The following NDUFA10 variants were observed in gnomAD, a reference collection of about 807,000 sequenced individuals.
NDUFA10 encodes NADH:ubiquinone oxidoreductase subunit A10.
In NDUFA10, 40 loss-of-function variants were observed where a neutral mutation model predicts 47.8. That is an observed-to-expected ratio of 0.84 (90% CI 0.65 to 1.09). The LOEUF is 1.09. NDUFA10 is among the 50% of genes least tolerant of loss of function. The pLI is 0.00. For synonymous variants in NDUFA10, 183 were observed against 172.2 expected (o/e 1.06, Z -0.49); for missense variants, 413 against 451.1 (o/e 0.92, Z 0.76).
chr2:239,981,292 C>T (rs888020826), intron 9 of NDUFA10, among the ~76,000 whole-genome samples: 5 of 152,122 alleles, frequency 3.3e-5, no homozygotes, highest in Non-Finnish European at 5.9e-5. Flanking sequence ...AGCTCTGTAC[C>T]CAAAGTCTCC....
rs747835232 is a variant in NDUFA10 at position 240,021,371 on chromosome 2, T to C, written c.286A>G (p.Ser96Gly). 3.1e-6 allele frequency: 5 copies of C among 1,614,122 alleles called. No individual in the cohort carries two copies. In the African/African-American group the frequency reaches 5.3e-5, roughly 17 times the overall value. Reference sequence around the variant, plus strand: ...AGGGGCTTCCCATCTCCTGTGGTACTGTCTGGATAATGAATCCCCGCTTCA... The same window carrying C: ...AGGGGCTTCCCATCTCCTGTGGTACCGTCTGGATAATGAATCCCCGCTTCA... ...FPEAGIHYPD[S>G]TTGDGKPLAT... The change falls in exon 3 of 10, where the codon AGT (serine) becomes GGT (glycine). Residue 96 changes from serine to glycine, a missense_variant. Ser to Gly is a moderately conservative substitution (Grantham distance 56, BLOSUM62 0). Coordinates refer to ENST00000252711, the MANE Select transcript of NDUFA10 (RefSeq NM_004544.4).
rs1332309508 is a variant in NDUFA10, at chr2:240,016,847, C to T, written c.547+1706G>A. Among the ~76,000 whole-genome samples, 1 of 152,196 alleles carries T rather than the reference C, an allele frequency of 6.6e-6. No homozygotes were observed. The highest frequency in any genetic ancestry group is 1.5e-5 in the Non-Finnish European group (1 of 68,036). ...GATGCCGACAGGTATCTCCTGCCAC[C>T]TTGCCATGGGAACCTCACACTCAGG... On this transcript the variant is annotated intron_variant, in intron 4 of 9. Coordinates refer to ENST00000252711, the MANE Select transcript of NDUFA10 (RefSeq NM_004544.4). This position sits in a 1 kb window ranked among gnomAD's most constrained non-coding sequence, Gnocchi z 4.4.
chr2:239,936,987 G>T (rs1694276119), intron 4 of NDUFA10, among the ~76,000 whole-genome samples: 1 of 152,254 alleles, frequency 6.6e-6, no homozygotes, highest in African/African-American at 2.4e-5. Context: ...AAAGAAATAA[G>T]TACAAGTGAT....
chr2:239,931,141 A>C (rs1214787357), intron 4 of NDUFA10, among the ~76,000 whole-genome samples: 1 of 152,194 alleles, frequency 6.6e-6, no homozygotes, highest in Non-Finnish European at 1.5e-5. Flanking sequence ...TCTGAACAGC[A>C]ACTTTCACCC....
intron 9 of NDUFA10, among the ~76,000 whole-genome samples, chr2:239,985,719 G>A (rs1266685034): frequency 1.3e-5 from 2 of 152,108 alleles, no homozygotes; most frequent in Non-Finnish European, 2.9e-5. Flanking sequence ...AGACTAGCCT[G>A]GCCAACATGG....
chr2:239,894,518 C>G (rs1270343352), intron 5 of NDUFA10, among the ~76,000 whole-genome samples: 3 of 152,210 alleles, frequency 2.0e-5, no homozygotes, highest in Non-Finnish European at 2.9e-5. Context: ...AACACCGGAT[C>G]TGTCAGTAAG....
In NDUFA10 at chr2:239,961,689, T is replaced by C. The variant is rs189547331; in HGVS notation, c.1000-503A>G. ...AGGGGCCCTTGGCGGAGTAGGAAAG[T>C]GAGTTTCATCCAGGCCTTTTAAGTA... On this transcript the variant is annotated intron_variant, in intron 9 of 9. Coordinates refer to ENST00000252711, the MANE Select transcript of NDUFA10 (RefSeq NM_004544.4). Among the ~76,000 whole-genome samples, 858 of 152,140 alleles carry C rather than the reference T, an allele frequency of 5.6e-3. 12 individuals carry two copies. Among genetic ancestry groups the C allele is most frequent in the African/African-American group, 0.02 (821 of 41,492 alleles).
chr2:239,901,690 TG>T (rs1219124604), intron 4 of NDUFA10, among the ~76,000 whole-genome samples: 1 of 151,822 alleles, frequency 6.6e-6, no homozygotes, highest in Non-Finnish European at 1.5e-5. Flanking sequence ...GTTCCTCTGA[TG>T]GATCTGGGCA....
In NDUFA10 at chr2:239,936,057, G is replaced by A. The variant is rs1444957902; in HGVS notation, c.295-40743C>T. On this transcript the variant is annotated intron_variant, in intron 4 of 5. Coordinates refer to the NDUFA10 transcript ENST00000419408. ...CCCAGGGCTGGGCAGCCTGAACCAG[G>A]TGCTGGGATCCTGCAGTTATTACAA... is the stretch of plus-strand genomic sequence containing the variant. Among the ~76,000 whole-genome samples the A allele has an allele frequency of 5.3e-5, 8 of 152,318 alleles. No homozygotes were observed. The East Asian group carries it at 1.5e-3, about 29-fold the overall frequency.
At chr2:240,015,530 T>C (rs1040298902) in intron 4 of NDUFA10, among the ~76,000 whole-genome samples, 5 of 152,250 alleles carry the variant, frequency 3.3e-5, no homozygotes, top group African/African-American at 1.2e-4. Flanking sequence ...CACAGAAGTA[T>C]CTACTGAGTC....
rs565323381 is a variant in NDUFA10 at position 239,916,416 on chromosome 2, GCACA to G, written c.295-21106_295-21103del. 4.1e-3 allele frequency among the ~76,000 whole-genome samples: 616 copies of G among 150,884 alleles called. 4 individuals are homozygous for G. The highest frequency in any genetic ancestry group is 0.014 in the African/African-American group (595 of 41,074). ...CACACATACAAACACACACAGTAGC[GCACA>G]CACACAGACACAGACACAGCCAGAC... On this transcript the variant is annotated intron_variant, in intron 4 of 5. Transcript: ENST00000419408.
chr2:239,981,146 T>C (rs986612995), intron 9 of NDUFA10, among the ~76,000 whole-genome samples: 5 of 152,210 alleles, frequency 3.3e-5, no homozygotes, highest in African/African-American at 4.8e-5. Flanking sequence ...GTTAAAAACC[T>C]TGGGACATAC....
In NDUFA10 at chr2:240,011,643, A is replaced by G; in HGVS notation, c.723T>C (p.Tyr241=). ...TCATCTCAGGGAGAAAGGTTTTCTT[A>G]TAGGCATTCTCAATGTCCTGTAGAT... The part of the protein sequence containing the change: ...SAYLQDIENA[Y]KKTFLPEMSE... The change falls in exon 6 of 10, where the codon TAT becomes TAC. Residue 241 remains tyrosine (Y), a synonymous_variant. Transcript: ENST00000252711. 1 of 1,613,586 alleles carries G rather than the reference A, an allele frequency of 6.2e-7. No homozygotes were observed. Among genetic ancestry groups the G allele is most frequent in the South Asian group, 1.1e-5 (1 of 91,062 alleles).
Position 240,022,005 on chromosome 2 carries a change from C to T in NDUFA10, c.244+167G>A, listed in dbSNP as rs1811426. On this transcript the variant is annotated intron_variant, in intron 2 of 9. Coordinates refer to ENST00000252711, the MANE Select transcript of NDUFA10 (RefSeq NM_004544.4). ...GATTAAAAACAGCTTTTTCTTGTTTCGTTTTATAAAACAGCTTTTTCAATA... is the reference window on the plus strand; with the variant it reads ...GATTAAAAACAGCTTTTTCTTGTTTTGTTTTATAAAACAGCTTTTTCAATA... Among the ~76,000 whole-genome samples, 19,338 of 152,090 alleles carry T rather than the reference C, an allele frequency of 0.13. 1,256 individuals carry two copies. The highest frequency in any genetic ancestry group is 0.19 in the East Asian group (970 of 5,182).
chr2:239,931,898 C>T (rs988342228), intron 4 of NDUFA10, among the ~76,000 whole-genome samples: 21 of 126,040 alleles, frequency 1.7e-4, no homozygotes, highest in African/African-American at 5.9e-4. Flanking sequence ...TGCAGTGGTG[C>T]GATCTCGGCT....
chr2:239,938,310 C>G (rs890563736), intron 4 of NDUFA10, among the ~76,000 whole-genome samples: 4 of 152,196 alleles, frequency 2.6e-5, no homozygotes, highest in Admixed American at 1.3e-4. Flanking sequence ...GGCTGGCCGT[C>G]CCACACCTCC....
exon 6 of NDUFA10, chr2:239,892,702 G>GC (rs1202899723): frequency 7.2e-5 from 11 of 152,246 alleles, no homozygotes; most frequent in African/African-American, 2.4e-4. Flanking sequence ...TTCACCCACA[G>GC]CCCACCTATG....
At position 240,018,135 on chromosome 2, in the gene NDUFA10, T is replaced by C. The variant is rs79727462; in HGVS notation, c.547+418A>G. Among the ~76,000 whole-genome samples, 657 of 152,290 alleles carry C rather than the reference T, an allele frequency of 4.3e-3. 13 individuals carry two copies. The highest frequency in any genetic ancestry group is 0.043 in the East Asian group (222 of 5,172). ...GGCAGCGTGTCAGAGGGAAGCACTGTGATGATGCTGGCAACTGGCAGGGCT... is the reference window on the plus strand; with the variant it reads ...GGCAGCGTGTCAGAGGGAAGCACTGCGATGATGCTGGCAACTGGCAGGGCT... On this transcript the variant is annotated intron_variant, in intron 4 of 9. Coordinates refer to ENST00000252711, the MANE Select transcript of NDUFA10 (RefSeq NM_004544.4).
At chr2:239,922,561 G>A (rs1694006709) in intron 4 of NDUFA10, among the ~76,000 whole-genome samples, 1 of 152,252 alleles carries the variant, frequency 6.6e-6, no homozygotes, top group South Asian at 2.1e-4. Context: ...AGGGGATAGA[G>A]GCGGTGTCAC....
Sources: gnomAD v4.1 joint callset for allele counts (sites outside exome capture counted in the v4.1 genomes callset) on GRCh38, gnomAD v4.1.1 for gene constraint, Gnocchi (gnomAD v3.1) non-coding constraint, MANE v1.5 for transcripts, NCBI Gene and HGNC (gene_info 2026-07-23, HGNC 2026-07-21) for gene names.